The following KLK7 variants were observed in gnomAD, a reference collection of about 807,000 sequenced individuals.
KLK7 encodes the protein kallikrein related peptidase 7, also known as kallikrein-7.
A neutral mutation model predicts 21.0 loss-of-function variants in KLK7; 17 were observed. The ratio of observed to expected loss-of-function variants is 0.81; its 90% CI spans 0.55 to 1.21. The LOEUF (loss-of-function observed/expected upper bound fraction) is 1.21. Among genes scored for constraint, KLK7 ranks in the 50% most tolerant of loss-of-function variants. KLK7 has a pLI of 0.00. For missense variants in KLK7, 330 were observed against 322.8 expected, an observed-to-expected ratio of 1.02 and a Z score of -0.17; for synonymous variants, 151 against 134.6, an observed-to-expected ratio of 1.12 and a Z score of -0.85.
At chr19:50,980,173 G>A in intron 4 of KLK7, 67 bp downstream of exon 4, 1 of 1,520,000 alleles carries the variant, frequency 6.6e-7, no homozygotes, top group East Asian at 2.3e-5. Context: ...GGGGCTGGGG[G>A]CCTGGACTCC....
Position 50,979,797 on chromosome 19 carries a change from G to A in KLK7, c.597C>T (p.Asn199=), listed in dbSNP as rs185241384. Reference sequence around the variant, plus strand: ...GGGGGGAGGGTCTCACATTGCAGGCGTTTTTCTTGGAGTCGGGGATGCCAG... The same window carrying A: ...GGGGGGAGGGTCTCACATTGCAGGCATTTTTCTTGGAGTCGGGGATGCCAG... ...LCAGIPDSKK[N]ACNGDSGGPL... is the part of the protein sequence containing the mutation. Residue 199 remains asparagine, a synonymous_variant, in exon 5 of 6, where the codon AAC becomes AAT. Coordinates refer to ENST00000595820, the MANE Select transcript of KLK7 (RefSeq NM_005046.4). 311 of 1,571,282 alleles carry A rather than the reference G, an allele frequency of 2.0e-4. No homozygotes were observed. Among genetic ancestry groups the A allele is most frequent in the South Asian group, 9.5e-4 (81 of 85,578 alleles).
At chr19:50,978,700 A>G (rs2091054481) in intron 5 of KLK7, among the ~76,000 whole-genome samples, 1 of 147,188 alleles carries the variant, frequency 6.8e-6, no homozygotes, top group Non-Finnish European at 1.5e-5. Flanking sequence ...GAATAAAGAG[A>G]GAGAAAGAAA....
chr19:50,982,930 G>T (rs367998003), intron 1 of KLK7, among the ~76,000 whole-genome samples: 33 of 51,040 alleles, frequency 6.5e-4, no homozygotes, highest in Non-Finnish European at 7.7e-4. Context: ...CCCCAGCCCC[G>T]CCTCCCTCAG....
intron 3 of KLK7, among the ~76,000 whole-genome samples, chr19:50,980,697 C>CAGAA: frequency 1.2e-5 from 1 of 84,238 alleles, no homozygotes; most frequent in Admixed American, 1.8e-4. Flanking sequence ...GACAGAGACC[C>CAGAA]AGAGAGGGGG....
chr19:50,980,106 A>G, intron 4 of KLK7, 134 bp downstream of exon 4: 1 of 1,200,382 alleles, frequency 8.3e-7, no homozygotes, highest in South Asian at 1.5e-5. Flanking sequence ...GGGGGCCTGG[A>G]CTCCTGGGTC....
intron 5 of KLK7, among the ~76,000 whole-genome samples, chr19:50,979,396 T>A (rs2091059330): frequency 6.6e-6 from 1 of 152,240 alleles, no homozygotes; most frequent in Non-Finnish European, 1.5e-5. Context: ...TGCTCTTTAT[T>A]TAAAATGTGA....
rs1255194736 is a variant in KLK7, at chr19:50,980,290, G to C, written c.419C>G (p.Pro140Arg). ...KVRLPSRCEP[P>R]GTTCTVSGWG... is the part of the protein sequence containing the mutation. Reference sequence around the variant, plus strand: ...GCCGGAGACAGTACAGGTGGTTCCAGGGGGTTCGCAGCGGGAGGGCAGCCT... The same window carrying C: ...GCCGGAGACAGTACAGGTGGTTCCACGGGGTTCGCAGCGGGAGGGCAGCCT... Residue 140 changes from proline (P) to arginine (R), a missense_variant, in exon 4 of 6, where the codon CCT becomes CGT. Transcript: ENST00000595820. 4 of 1,614,058 alleles carry C rather than the reference G, an allele frequency of 2.5e-6. No homozygotes were observed. The highest frequency in any genetic ancestry group is 1.3e-5 in the African/African-American group (1 of 75,008).
chr19:50,978,387 AC>A (rs1324729715), intron 5 of KLK7, among the ~76,000 whole-genome samples: 1 of 151,934 alleles, frequency 6.6e-6, no homozygotes, highest in Non-Finnish European at 1.5e-5. Context: ...GTGTGGAGAG[AC>A]AGAGAGAGTT....
At chr19:50,980,823 C>T (rs567266922) in intron 3 of KLK7, among the ~76,000 whole-genome samples, 39 of 125,202 alleles carry the variant, frequency 3.1e-4, no homozygotes, top group African/African-American at 1.1e-3. Context: ...GACAGAGACC[C>T]AGAGAGAGGG....
chr19:50,983,679 G>A, intron 1 of KLK7, 172 bp downstream of exon 1: 1 of 960,978 alleles, frequency 1.0e-6, no homozygotes, highest in Non-Finnish European at 1.4e-6. Context: ...CCAAACTTCT[G>A]ACTCTGTAGT....
chr19:50,983,270 C>T (rs1407242693), intron 1 of KLK7, among the ~76,000 whole-genome samples: 2 of 31,028 alleles, frequency 6.4e-5, no homozygotes, highest in Non-Finnish European at 1.3e-4. Flanking sequence ...CCCTCAGACC[C>T]AGGAGTCCAG....
At chr19:50,981,687 C>T (rs2091089887) in intron 3 of KLK7, 80 bp downstream of exon 3, 5 of 1,331,194 alleles carry the variant, frequency 3.8e-6, no homozygotes, top group Non-Finnish European at 2.1e-6. Context: ...GAGCCGTAGG[C>T]ACAGAAAGAC....
chr19:50,982,560 C>G, intron 1 of KLK7, 103 bp from the exon 2 acceptor site: 1 of 241,644 alleles, frequency 4.1e-6, no homozygotes, highest in South Asian at 6.9e-5. Context: ...GGCCCCAGCC[C>G]CTCCTCCCTC....
chr19:50,982,806 C>T (rs1444172696), intron 1 of KLK7, among the ~76,000 whole-genome samples: 6 of 137,780 alleles, frequency 4.4e-5, no homozygotes, highest in East Asian at 2.3e-4. Flanking sequence ...CCTAGGAGTC[C>T]AGGCCCCCAG....
chr19:50,981,266 CCCAGAAAGAGAGGAGGGGGA>C (rs2091082880), intron 3 of KLK7, among the ~76,000 whole-genome samples: 1 of 114,468 alleles, frequency 8.7e-6, no homozygotes, highest in African/African-American at 3.8e-5. Context: ...GGGACAGAGA[CCCAGAAAGAGAGGAGGGGGA>C]ACAGAGACCC....
chr19:50,979,306 T>C (rs2091058554), intron 5 of KLK7, among the ~76,000 whole-genome samples: 2 of 152,206 alleles, frequency 1.3e-5, no homozygotes, highest in African/African-American at 4.8e-5. Flanking sequence ...ATCCACATTT[T>C]AAATGAAGAC....
Position 50,979,804 on chromosome 19 carries a change from T to C in KLK7, c.590A>G (p.Lys197Arg), listed in dbSNP as rs967840426. 12 of 1,572,540 alleles carry C rather than the reference T, an allele frequency of 7.6e-6. No homozygotes were observed. The highest frequency in any genetic ancestry group is 1.3e-5 in the African/African-American group (1 of 74,130). ...GGGTCTCACATTGCAGGCGTTTTTC[T>C]TGGAGTCGGGGATGCCAGCGCACAG... ...SMLCAGIPDS[K>R]KNACNGDSGG... Residue 197 changes from lysine (K) to arginine (R), a missense_variant, in exon 5 of 6, where the codon AAG (lysine) becomes AGG (arginine). Lys to Arg is a conservative substitution (Grantham distance 26, BLOSUM62 2). Transcript: ENST00000595820.
intron 1 of KLK7, 160 bp downstream of exon 1, chr19:50,983,691 C>T: frequency 9.5e-7 from 1 of 1,052,102 alleles, no homozygotes; most frequent in Non-Finnish European, 1.2e-6. Flanking sequence ...CTCTGTAGTT[C>T]GTTTTTCCCT....
chr19:50,981,944 T>G, intron 2 of KLK7, 30 bp from the exon 3 acceptor site: 1 of 1,608,542 alleles, frequency 6.2e-7, no homozygotes, highest in Non-Finnish European at 8.5e-7. Flanking sequence ...AGCACGTGGG[T>G]AGCTAGCATT....
Sources: allele counts gnomAD v4.1 joint callset (sites outside exome capture counted in the v4.1 genomes callset), GRCh38; gene constraint gnomAD v4.1.1; transcripts MANE v1.5; gene names NCBI Gene and HGNC (gene_info 2026-07-23, HGNC 2026-07-21).